Variants in PALM2AKAP2 observed in about 807,000 individuals in gnomAD.
PALM2AKAP2 encodes the protein PALM2 and AKAP2 fusion, also known as PALM2-AKAP2 fusion protein.
In PALM2AKAP2, 37 loss-of-function variants were observed where a neutral mutation model predicts 71.5. The ratio of observed to expected loss-of-function variants is 0.52; its 90% CI spans 0.40 to 0.68. The LOEUF is 0.68. Among genes scored for constraint, PALM2AKAP2 ranks in the 30% least tolerant of loss-of-function variants. The probability of loss-of-function intolerance (pLI) is 0.00; values close to 1 mark genes in which losing one functional copy is unlikely to be tolerated. For missense variants in PALM2AKAP2, 1,224 were observed against 1,191.8 expected (o/e 1.03, Z -0.40); for synonymous variants, 468 against 478.8 (o/e 0.98, Z 0.29).
chr9:109,891,084 G>T (rs1433387957), intron 3 of PALM2AKAP2, among the ~76,000 whole-genome samples: 2 of 152,214 alleles, frequency 1.3e-5, no homozygotes. Flanking sequence ...AGGCTTTTAA[G>T]CATTACCATG....
At chr9:110,054,124 G>T (rs1043388336) in intron 1 of PALM2AKAP2, among the ~76,000 whole-genome samples, 3 of 152,220 alleles carry the variant, frequency 2.0e-5, no homozygotes, top group Admixed American at 6.5e-5. Context: ...ACCAGGCTGG[G>T]CATGGTGGCT....
At chr9:110,119,093 C>T (rs1370662268) in intron 1 of PALM2AKAP2, among the ~76,000 whole-genome samples, 1 of 151,730 alleles carries the variant, frequency 6.6e-6, no homozygotes, top group African/African-American at 2.4e-5. Flanking sequence ...GCCTGTAATC[C>T]CAGCACTTTG....
chr9:110,102,391 T>C (rs1835019409), intron 1 of PALM2AKAP2, among the ~76,000 whole-genome samples: 1 of 152,232 alleles, frequency 6.6e-6, no homozygotes, highest in South Asian at 2.1e-4. Flanking sequence ...AGTATAAACT[T>C]TATCAAGCAG....
At chr9:110,024,405 AT>A (rs59855075) in intron 7 of PALM2AKAP2, among the ~76,000 whole-genome samples, 2,325 of 147,318 alleles carry the variant, frequency 0.016, 26 homozygotes, top group Middle Eastern at 0.052. Flanking sequence ...GATGATGATG[AT>A]TTTTTTTTTT....
intron 6 of PALM2AKAP2, among the ~76,000 whole-genome samples, chr9:110,007,188 G>C (rs1041642454): frequency 2.0e-5 from 3 of 152,200 alleles, no homozygotes; most frequent in African/African-American, 7.2e-5. Context: ...GAGAATTGCA[G>C]AGAGGTCAAA....
intron 1 of PALM2AKAP2, among the ~76,000 whole-genome samples, chr9:109,832,655 A>G (rs1828335741): frequency 6.6e-6 from 1 of 152,180 alleles, no homozygotes; most frequent in Non-Finnish European, 1.5e-5. Flanking sequence ...GCCTTAAAAG[A>G]CTTTTACAAA....
chr9:109,935,951 C>G (rs1831209281), intron 6 of PALM2AKAP2, among the ~76,000 whole-genome samples: 1 of 152,224 alleles, frequency 6.6e-6, no homozygotes. Flanking sequence ...GAAGCAAAAT[C>G]AGACACAAGA....
chr9:110,096,559 G>A (rs1169359227), intron 1 of PALM2AKAP2, among the ~76,000 whole-genome samples: 5 of 152,232 alleles, frequency 3.3e-5, no homozygotes. Context: ...GAGCCATCAC[G>A]CCTGGCCTTG....
At chr9:109,929,280 G>C (rs1380776630) in intron 5 of PALM2AKAP2, among the ~76,000 whole-genome samples, 1 of 150,644 alleles carries the variant, frequency 6.6e-6, no homozygotes, top group African/African-American at 2.4e-5. Flanking sequence ...TTATTTGAAT[G>C]CAGAAAGTCA....
chr9:109,807,378 A>G (rs1303537137), intron 1 of PALM2AKAP2, among the ~76,000 whole-genome samples: 2 of 152,194 alleles, frequency 1.3e-5, no homozygotes, highest in South Asian at 2.1e-4. Context: ...ACAAAATGCC[A>G]TAGACTGGGT....
exon 4 of PALM2AKAP2, chr9:110,171,554 C>T (rs1836858196): frequency 6.6e-6 from 1 of 152,164 alleles, no homozygotes; most frequent in Admixed American, 6.5e-5. Flanking sequence ...TTTATTCATT[C>T]AAGAAACCTT....
intron 1 of PALM2AKAP2, among the ~76,000 whole-genome samples, chr9:110,117,247 G>T (rs929588862): frequency 6.6e-6 from 1 of 152,078 alleles, no homozygotes; most frequent in African/African-American, 2.4e-5. Context: ...AGCCTCCCAA[G>T]TAGCTGGGAC....
Position 110,035,218 on chromosome 9 carries a change from TAA to T in PALM2AKAP2, c.582+19184_582+19185del, listed in dbSNP as rs1291519851. Among the ~76,000 whole-genome samples, 23 of 142,688 alleles carry T rather than the reference TAA, an allele frequency of 1.6e-4. 1 individual carries two copies. The East Asian group carries it at 3.4e-3, about 21-fold the overall frequency. 93.6% of individuals were successfully genotyped at this position (142,688 alleles called of 152,430 possible). ...GCATGTGTGTGTGTGTGTATATATA[TAA>T]AAAATATATATAATATAATATATAA... is the stretch of plus-strand genomic sequence containing the variant. On this transcript the variant is annotated intron_variant, in intron 7 of 9. Transcript: ENST00000302798.
intron 1 of PALM2AKAP2, among the ~76,000 whole-genome samples, chr9:109,847,006 T>C (rs1231536010): frequency 6.6e-6 from 1 of 152,222 alleles, no homozygotes. Context: ...CCACCAGCAA[T>C]GTGGCCAGTG....
chr9:109,680,682 G>A (rs770556179), intron 1 of PALM2AKAP2, among the ~76,000 whole-genome samples: 11 of 152,118 alleles, frequency 7.2e-5, no homozygotes, highest in Non-Finnish European at 1.3e-4. Context: ...TAAATACTAA[G>A]CCAAACAGCA....
intron 1 of PALM2AKAP2, among the ~76,000 whole-genome samples, chr9:109,712,073 G>A (rs1363697148): frequency 6.6e-6 from 1 of 151,994 alleles, no homozygotes; most frequent in Non-Finnish European, 1.5e-5. Context: ...GAGCTTGGCT[G>A]TGCCTTTTGA....
chr9:109,697,902 C>T (rs1319442829), intron 1 of PALM2AKAP2, among the ~76,000 whole-genome samples: 2 of 151,998 alleles, frequency 1.3e-5, no homozygotes, highest in South Asian at 2.1e-4. Context: ...TTCATTTTAC[C>T]GCATTAATTA....
intron 7 of PALM2AKAP2, among the ~76,000 whole-genome samples, chr9:110,037,047 T>G (rs1833423295): frequency 6.6e-6 from 1 of 152,230 alleles, no homozygotes; most frequent in South Asian, 2.1e-4. Flanking sequence ...TGTATCTGCA[T>G]GAGTGAATTC....
At chr9:109,793,824 T>G (rs911901564) in intron 1 of PALM2AKAP2, among the ~76,000 whole-genome samples, 4 of 152,254 alleles carry the variant, frequency 2.6e-5, no homozygotes, top group Non-Finnish European at 5.9e-5. Context: ...GAAATTCAAA[T>G]GTCAGCATCC....
Sources: allele counts gnomAD v4.1 joint callset (sites outside exome capture counted in the v4.1 genomes callset), GRCh38; gene constraint gnomAD v4.1.1; transcripts MANE v1.5; gene names NCBI Gene and HGNC (gene_info 2026-07-23, HGNC 2026-07-21).